Variants in MAPK8 observed in about 807,000 individuals in gnomAD.
MAPK8 encodes the protein JUN N-terminal kinase.
MAPK8 carries 13 observed loss-of-function variants against 52.9 expected under a neutral mutation model. That is an observed-to-expected ratio of 0.25 (90% CI 0.16 to 0.39). The LOEUF is 0.39. MAPK8 is among the 10% of genes least tolerant of loss of function. The pLI is 1.00. For synonymous variants in MAPK8, 191 were observed against 169.8 expected, an observed-to-expected ratio of 1.12 and a Z score of -0.97; for missense variants, 300 against 519.2, an observed-to-expected ratio of 0.58 and a Z score of 4.10.
At position 48,437,428 on chromosome 10, in the gene MAPK8, A is replaced by G. The variant is rs1427506509; in HGVS notation, c.*2399A>G. 1 of 152,044 alleles carries G rather than the reference A, an allele frequency of 6.6e-6. No individual in the cohort carries two copies. Among genetic ancestry groups the G allele is most frequent in the Non-Finnish European group, 1.5e-5 (1 of 68,006 alleles). The allele number at this position is 152,044 out of a possible 1,614,324, so 9.4% of individuals were successfully genotyped here. On this transcript the variant is annotated 3_prime_UTR_variant, in exon 12 of 12. Transcript: ENST00000374189. ...TGTATGAAACCACCTTTCTTATTCTATAATTTTGATTTTTCAATTTTATAT... is the reference window on the plus strand; with the variant it reads ...TGTATGAAACCACCTTTCTTATTCTGTAATTTTGATTTTTCAATTTTATAT...
chr10:48,428,354 T>C (rs2043848315), intron 10 of MAPK8, among the ~76,000 whole-genome samples: 4 of 152,152 alleles, frequency 2.6e-5, no homozygotes, highest in Admixed American at 2.6e-4. Flanking sequence ...TGACTTTGAG[T>C]AAATCACTCC....
intron 1 of MAPK8, among the ~76,000 whole-genome samples, chr10:48,316,974 A>G (rs1842564062): frequency 1.3e-5 from 2 of 152,164 alleles, no homozygotes; most frequent in African/African-American, 4.8e-5. Flanking sequence ...ATCATATACC[A>G]GGCACTGTTC....
intron 5 of MAPK8, among the ~76,000 whole-genome samples, chr10:48,416,583 T>A (rs1476062004): frequency 6.6e-6 from 1 of 152,228 alleles, no homozygotes; most frequent in Non-Finnish European, 1.5e-5. Flanking sequence ...GGAACTGGAA[T>A]GACCAAATTA....
chr10:48,350,915 A>G (rs1345149454), intron 1 of MAPK8, among the ~76,000 whole-genome samples: 1 of 152,232 alleles, frequency 6.6e-6, no homozygotes, highest in South Asian at 2.1e-4. Context: ...CAACATCAGC[A>G]AAGTCTTAGC....
At chr10:48,399,674 A>G (rs1261928159) in intron 1 of MAPK8, among the ~76,000 whole-genome samples, 2 of 151,844 alleles carry the variant, frequency 1.3e-5, no homozygotes, top group African/African-American at 4.8e-5. Flanking sequence ...AAGTGGAGAA[A>G]CTCTGAAACA....
At chr10:48,353,670 C>T (rs1363248661) in intron 1 of MAPK8, among the ~76,000 whole-genome samples, 1 of 152,156 alleles carries the variant, frequency 6.6e-6, no homozygotes, top group East Asian at 1.9e-4. Context: ...TCATTTGTAT[C>T]ATGGAATCCT....
intron 1 of MAPK8, among the ~76,000 whole-genome samples, chr10:48,371,409 T>C (rs1013768882): frequency 6.6e-6 from 1 of 152,100 alleles, no homozygotes; most frequent in Non-Finnish European, 1.5e-5. Flanking sequence ...TTCAAGGCCT[T>C]CTTTCCCTTG....
chr10:48,348,443 T>C (rs1845995764), intron 1 of MAPK8, among the ~76,000 whole-genome samples: 1 of 152,260 alleles, frequency 6.6e-6, no homozygotes, highest in Admixed American at 6.5e-5. Flanking sequence ...TTTGGTGTTT[T>C]AGTCATGAAA....
At chr10:48,403,076 C>G (rs1309847418) in intron 2 of MAPK8, among the ~76,000 whole-genome samples, 1 of 152,072 alleles carries the variant, frequency 6.6e-6, no homozygotes, top group Non-Finnish European at 1.5e-5. Context: ...TTAAAACATG[C>G]ATAAATACCA....
At chr10:48,354,577 T>G (rs571197508) in intron 1 of MAPK8, among the ~76,000 whole-genome samples, 37 of 152,286 alleles carry the variant, frequency 2.4e-4, no homozygotes, top group Middle Eastern at 3.4e-3. Flanking sequence ...GAGTGTAAGA[T>G]TCAGTAGGTC....
intron 1 of MAPK8, among the ~76,000 whole-genome samples, chr10:48,335,393 T>C (rs1346308871): frequency 1.3e-5 from 2 of 152,164 alleles, no homozygotes; most frequent in East Asian, 1.9e-4. Context: ...AAAGGAATAG[T>C]GATAACCAAA....
chr10:48,371,223 A>C (rs1848502762), intron 1 of MAPK8, among the ~76,000 whole-genome samples: 1 of 152,190 alleles, frequency 6.6e-6, no homozygotes, highest in Non-Finnish European at 1.5e-5. Context: ...TTATTAAAAA[A>C]ATTATTAGCT....
intron 1 of MAPK8, among the ~76,000 whole-genome samples, chr10:48,394,351 A>G (rs1000359763): frequency 1.3e-5 from 2 of 151,920 alleles, no homozygotes; most frequent in African/African-American, 4.8e-5. Context: ...TCTTCAATGA[A>G]ATTTTAGCTA....
chr10:48,318,081 A>T (rs1164912755), intron 1 of MAPK8, among the ~76,000 whole-genome samples: 1 of 152,028 alleles, frequency 6.6e-6, no homozygotes, highest in African/African-American at 2.4e-5. Context: ...AGGTAGGTAG[A>T]CTGAGATTTT....
In MAPK8 at chr10:48,432,894, T is replaced by C. The variant is rs139270201; in HGVS notation, c.1138+1624T>C. Among the ~76,000 whole-genome samples the C allele has an allele frequency of 3.9e-3, 600 of 152,332 alleles. 2 individuals carry two copies. Among genetic ancestry groups the C allele is most frequent in the African/African-American group, 0.013 (560 of 41,592 alleles). ...CGAGTATTAGCAAATTAAGCTGTTATAAAAATATTCTGCTCTTGATTTTGT... is the reference window on the plus strand; with the variant it reads ...CGAGTATTAGCAAATTAAGCTGTTACAAAAATATTCTGCTCTTGATTTTGT... On this transcript the variant is annotated intron_variant, in intron 11 of 11. Transcript: ENST00000374189.
At chr10:48,432,786 A>C (rs2044437160) in intron 11 of MAPK8, among the ~76,000 whole-genome samples, 1 of 152,220 alleles carries the variant, frequency 6.6e-6, no homozygotes. Flanking sequence ...GCACTTGCTT[A>C]TGATCACAAA....
intron 1 of MAPK8, among the ~76,000 whole-genome samples, chr10:48,396,571 C>T (rs2041897854): frequency 6.6e-6 from 1 of 152,154 alleles, no homozygotes; most frequent in East Asian, 1.9e-4. Context: ...GTTACCATAT[C>T]TTACTCCTGG....
chr10:48,418,148 C>T (rs1428529423), intron 5 of MAPK8, among the ~76,000 whole-genome samples: 5 of 152,140 alleles, frequency 3.3e-5, no homozygotes, highest in African/African-American at 1.2e-4. Context: ...TGTGCTAGAG[C>T]TTCAGGTTCA....
intron 1 of MAPK8, among the ~76,000 whole-genome samples, chr10:48,379,981 C>T (rs535420826): frequency 1.4e-5 from 2 of 147,158 alleles, no homozygotes; most frequent in Admixed American, 6.8e-5. Flanking sequence ...CAGTGGCTCA[C>T]GCCTGTAATC....
Sources: gnomAD v4.1 joint callset for allele counts (sites outside exome capture counted in the v4.1 genomes callset) on GRCh38, gnomAD v4.1.1 for gene constraint, MANE v1.5 for transcripts, NCBI Gene and HGNC (gene_info 2026-07-23, HGNC 2026-07-21) for gene names.